Variants in SENP1 observed in about 807,000 individuals in gnomAD.
The protein encoded by SENP1 is SUMO specific peptidase 1.
In SENP1, 21 loss-of-function variants were observed where a neutral mutation model predicts 93.0. That is an observed-to-expected ratio of 0.23 (90% CI 0.16 to 0.33). SENP1 has a LOEUF of 0.33. SENP1 is among the 10% of genes least tolerant of loss of function. The pLI is 1.00. For missense variants in SENP1, 591 were observed against 758.7 expected (o/e 0.78, Z 2.60); for synonymous variants, 256 against 259.6 (o/e 0.99, Z 0.13).
At chr12:48,085,045 T>A in intron 5 of SENP1, 8 of 1,218,214 alleles carry the variant, frequency 6.6e-6, no homozygotes. Context: ...TGGGGTGAGC[T>A]CTGCCTGGCT....
chr12:48,102,354 C>G (rs540072340), intron 1 of SENP1, among the ~76,000 whole-genome samples: 15 of 144,958 alleles, frequency 1.0e-4, no homozygotes, highest in Admixed American at 2.8e-4. Flanking sequence ...ATTGCTTGAA[C>G]CCAGGAAGCA....
intron 5 of SENP1, chr12:48,088,478 T>A: frequency 3.3e-6 from 1 of 305,514 alleles, no homozygotes; most frequent in South Asian, 3.8e-5. Context: ...ATATGTTTCT[T>A]TCCTGCTCAA....
At chr12:48,079,876 T>C (rs547727153) in intron 6 of SENP1, among the ~76,000 whole-genome samples, 23 of 152,326 alleles carry the variant, frequency 1.5e-4, no homozygotes, top group African/African-American at 2.2e-4. Flanking sequence ...ATATAAAATA[T>C]GCAAAGTGCA....
intron 5 of SENP1, chr12:48,084,943 A>G: frequency 1.8e-6 from 1 of 543,522 alleles, no homozygotes; most frequent in Non-Finnish European, 3.3e-6. Flanking sequence ...GACAAGATCT[A>G]AAGAAAATCA....
Position 48,045,107 on chromosome 12 carries a change from C to T in SENP1, c.*215G>A, listed in dbSNP as rs1941265853. The T allele has an allele frequency of 1.8e-6, 1 of 558,038 alleles. No homozygotes were observed. The highest frequency in any genetic ancestry group is 3.2e-6 in the Non-Finnish European group (1 of 308,156). 34.6% of individuals were successfully genotyped at this position (558,038 alleles called of 1,614,324 possible). ...TCTTCAGCTTAGGGATGTCCCTCAC[C>T]CCTTTCACAGCACCAAAGTTTCTTT... On this transcript the variant is annotated 3_prime_UTR_variant, in exon 18 of 18. Coordinates refer to ENST00000549518, the MANE Select transcript of SENP1 (RefSeq NM_001267594.2).
rs112983761 is a variant in SENP1 at position 48,096,935 on chromosome 12, G to A, written c.136-508C>T. Among the ~76,000 whole-genome samples, 204 of 152,006 alleles carry A rather than the reference G, an allele frequency of 1.3e-3. 1 individual carries two copies. Among genetic ancestry groups the A allele is most frequent in the African/African-American group, 4.6e-3 (190 of 41,484 alleles). On this transcript the variant is annotated intron_variant, in intron 3 of 17. Coordinates refer to ENST00000549518, the MANE Select transcript of SENP1 (RefSeq NM_001267594.2). The stretch of plus-strand genomic sequence containing the variant: ...GCAATGGACAACATGGAGAGACCCC[G>A]TCTCTAAATAAAGACTATAGCAGAA...
chr12:48,097,909 G>C (rs1478936891), intron 3 of SENP1, 85 bp downstream of exon 3: 1 of 1,208,640 alleles, frequency 8.3e-7, no homozygotes, highest in Non-Finnish European at 1.2e-6. Context: ...TTGTATTTTT[G>C]AGTGTGGCAT....
intron 13 of SENP1, among the ~76,000 whole-genome samples, chr12:48,060,967 T>C (rs1942921402): frequency 1.3e-5 from 2 of 152,172 alleles, no homozygotes; most frequent in Admixed American, 1.3e-4. Context: ...CCTTTGAAGT[T>C]GTACAGAATT....
rs1306835127 is a variant in SENP1, at chr12:48,056,458, TTACA to T, written c.1407+7248_1407+7251del. Among the ~76,000 whole-genome samples the T allele has an allele frequency of 7.7e-4, 83 of 108,334 alleles. 1 individual carries two copies. Among genetic ancestry groups the T allele is most frequent in the Non-Finnish European group, 6.6e-5 (4 of 60,624 alleles). 71.1% of individuals were successfully genotyped at this position (108,334 alleles called of 152,430 possible). A position where few individuals can be genotyped will look rare whatever the true frequency, so the allele number is the denominator to read the frequency against. On this transcript the variant is annotated intron_variant, in intron 13 of 17. Transcript: ENST00000549518. ...ATATAATTATTTAATATATTACATA[TTACA>T]TATATAAATATATTATTTAATATAT...
chr12:48,078,332 T>TATATATATATATATATATATATATATAC (rs1454107759), intron 6 of SENP1, among the ~76,000 whole-genome samples: 2 of 83,872 alleles, frequency 2.4e-5, no homozygotes, highest in South Asian at 4.6e-4. Context: ...TATATATATA[T>TATATATATATATATATATATATATATAC]ATACACACAC....
chr12:48,063,919 A>G, intron 12 of SENP1, 78 bp from the exon 13 acceptor site: 3 of 1,251,536 alleles, frequency 2.4e-6, no homozygotes, highest in South Asian at 1.3e-5. Flanking sequence ...ACCCCATATA[A>G]TCCTCAGACT....
At chr12:48,081,927 C>A (rs982074460) in intron 6 of SENP1, among the ~76,000 whole-genome samples, 14 of 151,790 alleles carry the variant, frequency 9.2e-5, no homozygotes, top group African/African-American at 3.4e-4. Flanking sequence ...CTCACTCTGT[C>A]ACCCAGGCTG....
At chr12:48,062,429 A>G (rs1943019171) in intron 13 of SENP1, among the ~76,000 whole-genome samples, 1 of 152,250 alleles carries the variant, frequency 6.6e-6, no homozygotes, top group African/African-American at 2.4e-5. Context: ...GACAGTAACA[A>G]ACCATGCCTT....
chr12:48,082,159 G>C (rs548608481), intron 6 of SENP1, among the ~76,000 whole-genome samples: 1 of 152,192 alleles, frequency 6.6e-6, no homozygotes, highest in East Asian at 1.9e-4. Flanking sequence ...AAAGTGCTGG[G>C]ATTACAGGCA....
intron 6 of SENP1, among the ~76,000 whole-genome samples, chr12:48,077,837 C>G (rs552480244): frequency 6.6e-6 from 1 of 151,932 alleles, no homozygotes; most frequent in Non-Finnish European, 1.5e-5. Flanking sequence ...ATTACTATAG[C>G]TTGGTAGTAT....
chr12:48,105,680 G>A (rs946811014), intron 1 of SENP1: 2 of 443,150 alleles, frequency 4.5e-6, no homozygotes, highest in African/African-American at 2.0e-5. Context: ...CCCAGCTCTG[G>A]CGGGAAAGCC....
intron 13 of SENP1, among the ~76,000 whole-genome samples, chr12:48,062,709 G>GTT (rs1226557592): frequency 6.6e-6 from 1 of 152,180 alleles, no homozygotes; most frequent in Non-Finnish European, 1.5e-5. Flanking sequence ...AACCTTGCAA[G>GTT]TTTTTAAATC....
intron 10 of SENP1, 118 bp from the exon 11 acceptor site, chr12:48,065,798 C>T: frequency 1.6e-6 from 1 of 627,234 alleles, no homozygotes; most frequent in South Asian, 2.1e-5. Context: ...AATCCTTACA[C>T]TAACTTATCA....
intron 13 of SENP1, among the ~76,000 whole-genome samples, chr12:48,061,146 T>G (rs1437905499): frequency 6.6e-6 from 1 of 152,218 alleles, no homozygotes; most frequent in African/African-American, 2.4e-5. Flanking sequence ...AAACTGAATC[T>G]GATTCCTTTT....
Sources: gnomAD v4.1 joint callset for allele counts (sites outside exome capture counted in the v4.1 genomes callset) on GRCh38, gnomAD v4.1.1 for gene constraint, MANE v1.5 for transcripts, NCBI Gene and HGNC (gene_info 2026-07-23, HGNC 2026-07-21) for gene names.